The following TAFA2 variants were observed in gnomAD, a reference collection of about 807,000 sequenced individuals.
TAFA2 encodes the protein TAFA chemokine like family member 2.
TAFA2 carries 7 observed loss-of-function variants against 18.8 expected under a neutral mutation model. The observed-to-expected ratio is 0.37, with a 90% confidence interval of 0.21 to 0.70. The LOEUF is 0.70. Among genes scored for constraint, TAFA2 ranks in the 30% least tolerant of loss-of-function variants. The probability of loss-of-function intolerance (pLI) is 0.53; values close to 1 mark genes in which losing one functional copy is unlikely to be tolerated. For synonymous variants in TAFA2, 60 were observed against 54.2 expected (o/e 1.11, Z -0.47); for missense variants, 122 against 158.1 (o/e 0.77, Z 1.23).
chr12:61,711,414 T>G (rs529482320), intron 4 of TAFA2, among the ~76,000 whole-genome samples: 1 of 152,108 alleles, frequency 6.6e-6, no homozygotes, highest in Non-Finnish European at 1.5e-5. Flanking sequence ...GGCAGGGTAT[T>G]TAGAGAGTTA....
chr12:61,759,313 T>C (rs1405166348), intron 2 of TAFA2, among the ~76,000 whole-genome samples: 1 of 152,046 alleles, frequency 6.6e-6, no homozygotes, highest in Non-Finnish European at 1.5e-5. Context: ...TTAATTTAGA[T>C]ATAAGGGCAT....
At chr12:62,169,225 A>G (rs1238538006) in intron 1 of TAFA2, among the ~76,000 whole-genome samples, 3 of 152,222 alleles carry the variant, frequency 2.0e-5, no homozygotes, top group Non-Finnish European at 4.4e-5. Context: ...AAATGAAACA[A>G]TCTAGCCATA....
At chr12:62,142,705 A>G (rs780587025) in intron 1 of TAFA2, among the ~76,000 whole-genome samples, 2 of 152,196 alleles carry the variant, frequency 1.3e-5, no homozygotes, top group Non-Finnish European at 2.9e-5. Flanking sequence ...AAGAGGGTAT[A>G]AAAGTCTTTA....
intron 4 of TAFA2, among the ~76,000 whole-genome samples, chr12:61,739,156 C>T (rs1461177628): frequency 6.6e-6 from 1 of 152,008 alleles, no homozygotes; most frequent in Non-Finnish European, 1.5e-5. Flanking sequence ...GTAACTTTCC[C>T]AAGACCACCA....
chr12:62,129,088 C>A (rs1007848627), intron 1 of TAFA2, among the ~76,000 whole-genome samples: 1 of 151,980 alleles, frequency 6.6e-6, no homozygotes, highest in African/African-American at 2.4e-5. Flanking sequence ...TAAATAGATT[C>A]CTCTGGTTTT....
intron 1 of TAFA2, among the ~76,000 whole-genome samples, chr12:62,145,134 A>T (rs900356367): frequency 2.0e-5 from 3 of 152,174 alleles, no homozygotes; most frequent in Non-Finnish European, 2.9e-5. Flanking sequence ...TCGCCTACCA[A>T]ATTCAAAGCT....
At chr12:61,763,361 T>G (rs1231823648) in intron 2 of TAFA2, among the ~76,000 whole-genome samples, 1 of 151,874 alleles carries the variant, frequency 6.6e-6, no homozygotes, top group Non-Finnish European at 1.5e-5. Flanking sequence ...AAAAGCAAAT[T>G]CTCAACCAGA....
At chr12:62,047,602 T>C (rs1308700853) in intron 1 of TAFA2, among the ~76,000 whole-genome samples, 2 of 152,194 alleles carry the variant, frequency 1.3e-5, no homozygotes, top group Admixed American at 6.5e-5. Flanking sequence ...AACTTATTTA[T>C]CCAAAGTGTT....
chr12:61,927,005 G>A (rs144082343), intron 1 of TAFA2, among the ~76,000 whole-genome samples: 1,559 of 151,014 alleles, frequency 0.01, 11 homozygotes, highest in African/African-American at 0.015. Flanking sequence ...AACCCAGGGG[G>A]CGGAGGTTGC....
chr12:61,925,442 C>T (rs576642746), intron 1 of TAFA2, among the ~76,000 whole-genome samples: 1 of 152,294 alleles, frequency 6.6e-6, no homozygotes, highest in Non-Finnish European at 1.5e-5. Flanking sequence ...TCATTCAAAA[C>T]TGCACAACTA....
At chr12:62,102,955 T>A (rs933106035) in intron 1 of TAFA2, among the ~76,000 whole-genome samples, 4 of 152,202 alleles carry the variant, frequency 2.6e-5, no homozygotes, top group African/African-American at 9.6e-5. Flanking sequence ...AACTTATGTT[T>A]CCCACATATA....
chr12:62,021,880 C>T (rs1881152645), intron 1 of TAFA2: 1 of 762,418 alleles, frequency 1.3e-6, no homozygotes, highest in Non-Finnish European at 2.4e-6. Context: ...TCGGAGTTTC[C>T]CAGACACCAT....
chr12:62,031,343 C>A (rs542309658), intron 1 of TAFA2, among the ~76,000 whole-genome samples: 14 of 152,228 alleles, frequency 9.2e-5, no homozygotes, highest in African/African-American at 3.1e-4. Flanking sequence ...TTCTCCCATG[C>A]TGGATGCTTC....
intron 1 of TAFA2, among the ~76,000 whole-genome samples, chr12:61,998,307 A>G (rs1880267988): frequency 6.6e-6 from 1 of 152,200 alleles, no homozygotes; most frequent in African/African-American, 2.4e-5. Context: ...TTATATTTTT[A>G]AAATATTTCC....
At chr12:62,116,082 G>A (rs990704487) in intron 1 of TAFA2, among the ~76,000 whole-genome samples, 6 of 152,206 alleles carry the variant, frequency 3.9e-5, no homozygotes, top group Non-Finnish European at 7.4e-5. Context: ...GAAAATAACT[G>A]GCACCAGATT....
intron 1 of TAFA2, among the ~76,000 whole-genome samples, chr12:62,236,878 C>T (rs2062840162): frequency 1.3e-5 from 2 of 151,888 alleles, no homozygotes; most frequent in Admixed American, 1.3e-4. Flanking sequence ...TTTTAGAATC[C>T]CATCTTTGTT....
At chr12:61,793,553 T>G (rs562132300) in intron 2 of TAFA2, among the ~76,000 whole-genome samples, 7 of 151,904 alleles carry the variant, frequency 4.6e-5, no homozygotes, top group African/African-American at 1.7e-4. Flanking sequence ...CAAGAAGAAT[T>G]GGATAACTCA....
chr12:61,997,721 G>T (rs1309851506), intron 1 of TAFA2, among the ~76,000 whole-genome samples: 2 of 151,590 alleles, frequency 1.3e-5, no homozygotes, highest in South Asian at 4.2e-4. Context: ...AAGATGAAGG[G>T]AAGAAGAAAC....
intron 1 of TAFA2, among the ~76,000 whole-genome samples, chr12:62,072,918 C>G (rs1033288594): frequency 6.6e-6 from 1 of 152,194 alleles, no homozygotes. Flanking sequence ...ATGACTTATT[C>G]TTTTGCAATG....
Sources: gnomAD v4.1 joint callset for allele counts (sites outside exome capture counted in the v4.1 genomes callset) on GRCh38, gnomAD v4.1.1 for gene constraint, MANE v1.5 for transcripts, NCBI Gene and HGNC (gene_info 2026-07-23, HGNC 2026-07-21) for gene names.